Variants in PIP4K2A observed in about 807,000 individuals in gnomAD.
The protein encoded by PIP4K2A is phosphatidylinositol 5-phosphate 4-kinase type-2 alpha.
PIP4K2A carries 14 observed loss-of-function variants against 42.9 expected under a neutral mutation model. The ratio of observed to expected loss-of-function variants is 0.33; its 90% CI spans 0.22 to 0.51. The LOEUF (loss-of-function observed/expected upper bound fraction) is 0.51, where lower values mean the gene tolerates loss of function less well. PIP4K2A is among the 20% of genes least tolerant of loss of function. PIP4K2A has a pLI of 0.97. For missense variants in PIP4K2A, 434 were observed against 519.8 expected, an observed-to-expected ratio of 0.83 and a Z score of 1.61; for synonymous variants, 192 against 192.2, an observed-to-expected ratio of 1.00 and a Z score of 0.01.
intron 8 of PIP4K2A, among the ~76,000 whole-genome samples, 199 bp from the exon 9 acceptor site, chr10:22,540,273 C>G (rs1836070324): frequency 6.6e-6 from 1 of 152,124 alleles, no homozygotes; most frequent in Non-Finnish European, 1.5e-5. Flanking sequence ...CTGACCCAGT[C>G]CCCCTGCAAT....
intron 2 of PIP4K2A, among the ~76,000 whole-genome samples, chr10:22,608,611 T>C (rs1837961587): frequency 6.6e-6 from 1 of 152,148 alleles, no homozygotes; most frequent in Non-Finnish European, 1.5e-5. Flanking sequence ...ACACCACTCA[T>C]TTGTAATCCC....
chr10:22,591,894 T>G (rs1037006547), intron 3 of PIP4K2A, 113 bp from the exon 4 acceptor site: 1 of 904,270 alleles, frequency 1.1e-6, no homozygotes. Context: ...AAAACATTTG[T>G]GTGTGGGATA....
At chr10:22,620,558 T>A (rs1025587073) in intron 1 of PIP4K2A, among the ~76,000 whole-genome samples, 1 of 152,268 alleles carries the variant, frequency 6.6e-6, no homozygotes, top group African/African-American at 2.4e-5. Context: ...GCCCAGATAG[T>A]GATTTAGAAA....
chr10:22,696,071 C>T (rs1024446958), intron 1 of PIP4K2A, among the ~76,000 whole-genome samples: 1 of 152,186 alleles, frequency 6.6e-6, no homozygotes, highest in African/African-American at 2.4e-5. Flanking sequence ...GTAATCCCTC[C>T]TCAGAGGGAC....
intron 6 of PIP4K2A, among the ~76,000 whole-genome samples, chr10:22,558,622 G>C (rs985294888): frequency 2.6e-5 from 4 of 152,178 alleles, no homozygotes; most frequent in African/African-American, 4.8e-5. Context: ...TAAGCAGAAT[G>C]TCTATACAAG....
intron 1 of PIP4K2A, 170 bp downstream of exon 1, chr10:22,714,013 G>A: frequency 1.6e-6 from 1 of 641,586 alleles, no homozygotes; most frequent in Non-Finnish European, 2.6e-6. Context: ...GCGGCCCAGA[G>A]GGCTGGGGGC....
At chr10:22,629,307 T>C (rs1838504571) in intron 1 of PIP4K2A, among the ~76,000 whole-genome samples, 1 of 152,196 alleles carries the variant, frequency 6.6e-6, no homozygotes, top group African/African-American at 2.4e-5. Flanking sequence ...TCCACCATAC[T>C]TGCATTCTTT....
chr10:22,573,216 C>T (rs1225627851), intron 5 of PIP4K2A, 95 bp downstream of exon 5: 22 of 1,104,106 alleles, frequency 2.0e-5, no homozygotes, highest in South Asian at 7.1e-5. Flanking sequence ...AAGTGCTGAG[C>T]GGCTCCTAAG....
At chr10:22,699,759 C>T (rs981316810) in intron 1 of PIP4K2A, among the ~76,000 whole-genome samples, 2 of 152,078 alleles carry the variant, frequency 1.3e-5, no homozygotes, top group African/African-American at 2.4e-5. Flanking sequence ...AATACAAACA[C>T]TTTTATTGTA....
At chr10:22,583,284 G>A (rs959840078) in intron 4 of PIP4K2A, among the ~76,000 whole-genome samples, 1 of 152,316 alleles carries the variant, frequency 6.6e-6, no homozygotes, top group South Asian at 2.1e-4. Flanking sequence ...AAGGCCTCCT[G>A]GAAAGCCCCA....
intron 4 of PIP4K2A, among the ~76,000 whole-genome samples, chr10:22,576,255 A>G (rs1045369440): frequency 3.9e-5 from 6 of 152,178 alleles, no homozygotes; most frequent in Non-Finnish European, 5.9e-5. Context: ...TCAGTGGAGG[A>G]ACATTTAACT....
At chr10:22,685,943 A>G (rs1036791565) in intron 1 of PIP4K2A, among the ~76,000 whole-genome samples, 9 of 152,116 alleles carry the variant, frequency 5.9e-5, no homozygotes, top group African/African-American at 2.2e-4. Context: ...TCTCTAATTT[A>G]CTTTTTATAT....
chr10:22,635,549 A>G (rs1838644350), intron 1 of PIP4K2A, among the ~76,000 whole-genome samples: 1 of 152,178 alleles, frequency 6.6e-6, no homozygotes, highest in African/African-American at 2.4e-5. Context: ...ACCCTGAAGG[A>G]GGGAAAACAC....
At chr10:22,639,389 T>G (rs1838732671) in intron 1 of PIP4K2A, among the ~76,000 whole-genome samples, 3 of 150,974 alleles carry the variant, frequency 2.0e-5, no homozygotes, top group African/African-American at 4.9e-5. Flanking sequence ...AACATTTTGA[T>G]TAACTTAGAG....
intron 3 of PIP4K2A, among the ~76,000 whole-genome samples, chr10:22,606,375 C>G (rs984934520): frequency 7.9e-5 from 12 of 152,120 alleles, no homozygotes; most frequent in Non-Finnish European, 1.6e-4. Flanking sequence ...AGCAGATGAG[C>G]AACCACATCC....
At chr10:22,552,685 A>C (rs535261822) in intron 6 of PIP4K2A, among the ~76,000 whole-genome samples, 17 of 151,870 alleles carry the variant, frequency 1.1e-4, no homozygotes, top group Non-Finnish European at 1.6e-4. Flanking sequence ...AGCACGTTAG[A>C]AAAAAGGGTT....
At chr10:22,647,768 C>T (rs533101843) in intron 1 of PIP4K2A, among the ~76,000 whole-genome samples, 1 of 152,254 alleles carries the variant, frequency 6.6e-6, no homozygotes, top group African/African-American at 2.4e-5. Flanking sequence ...GCATATTAAA[C>T]CACAGTAAAT....
intron 1 of PIP4K2A, among the ~76,000 whole-genome samples, chr10:22,617,432 A>G (rs1838199346): frequency 6.6e-6 from 1 of 152,242 alleles, no homozygotes; most frequent in Non-Finnish European, 1.5e-5. Context: ...CAAGCAAAGA[A>G]TATGCTCATA....
intron 1 of PIP4K2A, among the ~76,000 whole-genome samples, chr10:22,707,166 T>C (rs1833837548): frequency 6.6e-6 from 1 of 152,198 alleles, no homozygotes; most frequent in South Asian, 2.1e-4. Flanking sequence ...GAACTTACCA[T>C]GTGCCAGCAA....
Sources: allele counts gnomAD v4.1 joint callset (sites outside exome capture counted in the v4.1 genomes callset), GRCh38; gene constraint gnomAD v4.1.1; transcripts MANE v1.5; gene names NCBI Gene and HGNC (gene_info 2026-07-23, HGNC 2026-07-21).